The following TRPC7 variants were observed in gnomAD, a reference collection of about 807,000 sequenced individuals.
The protein encoded by TRPC7 is short transient receptor potential channel 7.
TRPC7 carries 42 observed loss-of-function variants against 90.1 expected under a neutral mutation model. That is an observed-to-expected ratio of 0.47 (90% CI 0.36 to 0.60). The LOEUF (loss-of-function observed/expected upper bound fraction) is 0.60, where lower values mean the gene tolerates loss of function less well. TRPC7 is among the 20% of genes least tolerant of loss of function. TRPC7 has a pLI of 0.00. For synonymous variants in TRPC7, 451 were observed against 436.3 expected (o/e 1.03, Z -0.42); for missense variants, 955 against 1,112.3 (o/e 0.86, Z 2.01).
chr5:136,361,451 A>G (rs1300473123), intron 1 of TRPC7, among the ~76,000 whole-genome samples: 1 of 152,264 alleles, frequency 6.6e-6, no homozygotes, highest in Admixed American at 6.5e-5. Flanking sequence ...GCTCTTACAG[A>G]TGCATCAGCC....
intron 7 of TRPC7, among the ~76,000 whole-genome samples, chr5:136,231,958 C>T (rs1346440294): frequency 6.6e-6 from 1 of 152,092 alleles, no homozygotes; most frequent in African/African-American, 2.4e-5. Context: ...CCCTGGAGTG[C>T]CCAGTTGTTA....
intron 2 of TRPC7, among the ~76,000 whole-genome samples, chr5:136,321,227 GCA>G (rs1759187127): frequency 6.6e-6 from 1 of 152,026 alleles, no homozygotes. Flanking sequence ...CTTCTATTTG[GCA>G]CACTTGAGGC....
intron 8 of TRPC7, 31 bp downstream of exon 8, chr5:136,231,323 A>G: frequency 6.5e-7 from 1 of 1,547,044 alleles, no homozygotes; most frequent in Non-Finnish European, 8.8e-7. Flanking sequence ...TAGATGAAGG[A>G]GAGCAAGCAT....
intron 6 of TRPC7, among the ~76,000 whole-genome samples, chr5:136,251,102 ATTATTAG>A (rs1470180484): frequency 6.6e-6 from 1 of 152,224 alleles, no homozygotes; most frequent in African/African-American, 2.4e-5. Flanking sequence ...TGTTATAACT[ATTATTAG>A]TATTCCTAAA....
At chr5:136,269,752 G>T (rs2149813612) in intron 4 of TRPC7, among the ~76,000 whole-genome samples, 1 of 152,244 alleles carries the variant, frequency 6.6e-6, no homozygotes, top group South Asian at 2.1e-4. Flanking sequence ...TTAAATTAGA[G>T]GCAGATCCTC....
chr5:136,301,572 A>G (rs1156551479), intron 3 of TRPC7, among the ~76,000 whole-genome samples: 3 of 152,086 alleles, frequency 2.0e-5, no homozygotes, highest in African/African-American at 7.2e-5. Context: ...TTAAGAAGGT[A>G]CTTTGTAATC....
At chr5:136,326,855 T>C (rs1395544435) in intron 2 of TRPC7, among the ~76,000 whole-genome samples, 1 of 152,038 alleles carries the variant, frequency 6.6e-6, no homozygotes, top group African/African-American at 2.4e-5. Context: ...GAAGCTGATA[T>C]GAAAGGAAGA....
intron 5 of TRPC7, among the ~76,000 whole-genome samples, chr5:136,258,890 C>T (rs1056024670): frequency 5.9e-5 from 9 of 152,194 alleles, no homozygotes; most frequent in Non-Finnish European, 1.0e-4. Flanking sequence ...AGTTTGAACT[C>T]GCAGGAGAGA....
rs1049834798 is a variant in TRPC7 at position 136,301,281 on chromosome 5, C to T, written c.963+14316G>A. ...ACGTCAGATGATCCACCTGCCTTGG[C>T]CTCCCAAAGTGCTGGGATTATAAGC... On this transcript the variant is annotated intron_variant, in intron 3 of 11. Coordinates refer to ENST00000513104, the MANE Select transcript of TRPC7 (RefSeq NM_020389.3). Among the ~76,000 whole-genome samples, 40 of 151,220 alleles carry T rather than the reference C, an allele frequency of 2.6e-4. 1 individual carries two copies. Among genetic ancestry groups the T allele is most frequent in the Admixed American group, 2.5e-3 (38 of 15,220 alleles).
At chr5:136,306,226 A>G (rs1033971976) in intron 3 of TRPC7, among the ~76,000 whole-genome samples, 1 of 152,180 alleles carries the variant, frequency 6.6e-6, no homozygotes, top group Non-Finnish European at 1.5e-5. Context: ...ACTATGCTGA[A>G]TCTCCTTAGG....
intron 3 of TRPC7, among the ~76,000 whole-genome samples, chr5:136,280,277 T>C (rs766729979): frequency 6.6e-5 from 10 of 152,210 alleles, no homozygotes; most frequent in Non-Finnish European, 1.5e-4. Context: ...TGTAACCCAC[T>C]CACTTGGCAA....
chr5:136,288,256 G>T (rs1757799742), intron 3 of TRPC7, among the ~76,000 whole-genome samples: 1 of 151,886 alleles, frequency 6.6e-6, no homozygotes, highest in African/African-American at 2.4e-5. Flanking sequence ...ACCAGCAAGA[G>T]GCACAAAGCA....
intron 3 of TRPC7, among the ~76,000 whole-genome samples, chr5:136,309,458 A>C (rs1031775349): frequency 6.6e-6 from 1 of 152,132 alleles, no homozygotes; most frequent in Non-Finnish European, 1.5e-5. Context: ...TTGACAGAGA[A>C]GTTGAAGCTA....
At chr5:136,266,925 T>C (rs1239078026) in intron 4 of TRPC7, among the ~76,000 whole-genome samples, 2 of 152,256 alleles carry the variant, frequency 1.3e-5, no homozygotes, top group Non-Finnish European at 2.9e-5. Flanking sequence ...TGTATTCTCC[T>C]AAATTTTCAC....
intron 3 of TRPC7, among the ~76,000 whole-genome samples, chr5:136,291,242 A>C (rs1487162890): frequency 1.3e-5 from 2 of 152,220 alleles, no homozygotes; most frequent in Non-Finnish European, 2.9e-5. Context: ...ACTAACGAGC[A>C]AAATAACCAG....
chr5:136,354,900 C>T (rs1760312752), intron 2 of TRPC7, among the ~76,000 whole-genome samples: 1 of 152,188 alleles, frequency 6.6e-6, no homozygotes, highest in African/African-American at 2.4e-5. Context: ...TCGTAATGAC[C>T]CAACCACTCC....
At chr5:136,328,912 G>C (rs1193470113) in intron 2 of TRPC7, among the ~76,000 whole-genome samples, 1 of 152,238 alleles carries the variant, frequency 6.6e-6, no homozygotes, top group Non-Finnish European at 1.5e-5. Context: ...CAGGGAAGAA[G>C]TTTGGGGCAC....
chr5:136,287,347 T>C (rs953401765), intron 3 of TRPC7, among the ~76,000 whole-genome samples: 2 of 148,830 alleles, frequency 1.3e-5, no homozygotes, highest in African/African-American at 5.0e-5. Context: ...GATTAGGGCT[T>C]GGTGAAGAGG....
intron 3 of TRPC7, among the ~76,000 whole-genome samples, chr5:136,305,511 C>T (rs2149834103): frequency 6.6e-6 from 1 of 152,220 alleles, no homozygotes; most frequent in Non-Finnish European, 1.5e-5. Context: ...CGAGGATTTT[C>T]CCCCACCCAG....
Sources: allele counts gnomAD v4.1 joint callset (sites outside exome capture counted in the v4.1 genomes callset), GRCh38; gene constraint gnomAD v4.1.1; transcripts MANE v1.5; gene names NCBI Gene and HGNC (gene_info 2026-07-23, HGNC 2026-07-21).